The following ZNF324B variants were observed in gnomAD, a reference collection of about 807,000 sequenced individuals.
ZNF324B encodes the protein zinc finger protein 324B.
A neutral mutation model predicts 10.6 loss-of-function variants in ZNF324B; 7 were observed. The observed-to-expected ratio is 0.66, with a 90% CI of 0.38 to 1.24. The LOEUF is 1.24. ZNF324B is among the 50% of genes most tolerant of loss of function. ZNF324B has a pLI of 0.02. For missense variants in ZNF324B, 640 were observed against 764.7 expected, an observed-to-expected ratio of 0.84 and a Z score of 1.92; for synonymous variants, 316 against 321.0, an observed-to-expected ratio of 0.98 and a Z score of 0.17.
At chr19:58,433,919 G>A in the ZNF324B span, 1 of 1,614,158 alleles carries the variant, frequency 6.2e-7, no homozygotes, top group Admixed American at 1.7e-5. Context: ...TGCCCAGTAT[G>A]TACTTTCTGG....
rs912866087 is a variant in ZNF324B, at chr19:58,456,690, G to A, written c.*111G>A. On this transcript the variant is annotated 3_prime_UTR_variant, in exon 4 of 4. Coordinates refer to ENST00000336614, the MANE Select transcript of ZNF324B (RefSeq NM_207395.3). This position sits in a 1 kb window ranked among gnomAD's most constrained non-coding sequence, Gnocchi z 4.7. ...ATGGGGAAAAGCTCTGTGCCTGAGA[G>A]TCAGGGACGAGGGAGACCCTTTGGC... 7.4e-7 allele frequency: 1 copy of A among 1,343,278 alleles called. No individual in the cohort carries two copies. Among genetic ancestry groups the A allele is most frequent in the African/African-American group, 1.5e-5 (1 of 67,978 alleles). The allele number at this position is 1,343,278 out of a possible 1,614,324, so 83.2% of individuals were successfully genotyped here.
chr19:58,446,703 A>G (rs2122326843), upstream of ZNF324B, among the ~76,000 whole-genome samples: 1 of 149,472 alleles, frequency 6.7e-6, no homozygotes, highest in South Asian at 2.1e-4. Context: ...CAGCCTCCCA[A>G]GTAGCTGGAA....
At chr19:58,435,517 C>A in the ZNF324B span, 1 of 255,342 alleles carries the variant, frequency 3.9e-6, no homozygotes, top group Non-Finnish European at 7.6e-6. Flanking sequence ...AAAAGAAGTT[C>A]AGCATCCTTA....
the ZNF324B span, chr19:58,437,366 T>C: frequency 1.1e-6 from 1 of 936,558 alleles, no homozygotes; most frequent in South Asian, 1.8e-5. Context: ...ATCTTCTTCC[T>C]CAGGGCCCCC....
chr19:58,434,777 G>T, the ZNF324B span: 1 of 1,614,250 alleles, frequency 6.2e-7, no homozygotes, highest in African/African-American at 1.3e-5. Context: ...AGCTGCCCAA[G>T]ATTGGAATAT....
chr19:58,429,569 G>GT, the ZNF324B span: 5 of 152,254 alleles, frequency 3.3e-5, no homozygotes, highest in African/African-American at 4.8e-5. Flanking sequence ...TTTTCACCAT[G>GT]TTAGCCAGGA....
rs576138493 is a variant in ZNF324B, at chr19:58,455,103, C to T, written c.239-80C>T. 2 of 1,589,384 alleles carry T rather than the reference C, an allele frequency of 1.3e-6. No homozygotes were observed. The highest frequency in any genetic ancestry group is 1.1e-5 in the South Asian group (1 of 90,384). On this transcript the variant is annotated intron_variant, in intron 3 of 3. Coordinates refer to ENST00000336614, the MANE Select transcript of ZNF324B (RefSeq NM_207395.3). This position sits in a 1 kb window ranked among gnomAD's most constrained non-coding sequence, Gnocchi z 7.0. ...AGCTTTTGTCCCGGCTCCTGGGCTCCCCCTTGCCTGTCCACTCAGCCTGCC... is the reference window on the plus strand; with the variant it reads ...AGCTTTTGTCCCGGCTCCTGGGCTCTCCCTTGCCTGTCCACTCAGCCTGCC...
At chr19:58,438,390 A>C in the ZNF324B span, among the ~76,000 whole-genome samples, 1 of 151,952 alleles carries the variant, frequency 6.6e-6, no homozygotes, top group African/African-American at 2.4e-5. Flanking sequence ...CTCAAATACA[A>C]CATGGCCAAA....
At position 58,455,290 on chromosome 19, in the gene ZNF324B, T is replaced by A; in HGVS notation, c.346T>A (p.Cys116Ser). 6.2e-7 allele frequency: 1 copy of A among 1,614,194 alleles called. No homozygotes were observed. Among genetic ancestry groups the A allele is most frequent in the Admixed American group, 1.7e-5 (1 of 60,030 alleles). ...TAGCGTCTTCCCAGTTGCCGATGCCTGCCACAGTGTAAAAAGCCTGCAGCG... is the reference window on the plus strand; with the variant it reads ...TAGCGTCTTCCCAGTTGCCGATGCCAGCCACAGTGTAAAAAGCCTGCAGCG... ...TTSVFPVADA[C>S]HSVKSLQRQP... Residue 116 changes from cysteine to serine, a missense_variant, in exon 4 of 4, where the codon TGC (cysteine) becomes AGC (serine). Physicochemically the swap from Cys to Ser is moderately radical, Grantham distance 112 (BLOSUM62 -1). This residue lies in a region of ZNF324B where 345 missense variants were observed against 387.9 expected (regional missense o/e 0.89). Transcript: ENST00000336614. The surrounding 1 kb of genome is among the most constrained non-coding windows in gnomAD (Gnocchi z 7.0).
In ZNF324B at chr19:58,453,750, C is replaced by T. The variant is rs1233126395; in HGVS notation, c.49C>T (p.Leu17Phe). ...GTACTTCTCCCAGGAGGAGTGGGGGCTCCTGGACACAGCGCAGAGGGCCCT... is the reference window on the plus strand; with the variant it reads ...GTACTTCTCCCAGGAGGAGTGGGGGTTCCTGGACACAGCGCAGAGGGCCCT... Reference protein sequence around the residue: ...AVYFSQEEWGLLDTAQRALYR... With the variant: ...AVYFSQEEWGFLDTAQRALYR... The change falls in exon 2 of 4, where the codon CTC becomes TTC. Residue 17 changes from leucine (L) to phenylalanine (F), a missense_variant. This residue lies in a region of ZNF324B where 345 missense variants were observed against 387.9 expected (regional missense o/e 0.89). Coordinates refer to ENST00000336614, the MANE Select transcript of ZNF324B (RefSeq NM_207395.3). 1.2e-6 allele frequency: 2 copies of T among 1,614,080 alleles called. No homozygotes were observed. Among genetic ancestry groups the T allele is most frequent in the East Asian group, 2.2e-5 (1 of 44,894 alleles).
At chr19:58,446,235 G>C in the ZNF324B span, among the ~76,000 whole-genome samples, 1 of 152,218 alleles carries the variant, frequency 6.6e-6, no homozygotes, top group African/African-American at 2.4e-5. Flanking sequence ...GACACTCCAT[G>C]ATGGCCCTGC....
the ZNF324B span, chr19:58,439,988 G>A: frequency 1.5e-6 from 1 of 668,084 alleles, no homozygotes; most frequent in Non-Finnish European, 2.5e-6. Context: ...CGTGGCGCTG[G>A]CTCCACTTTC....
the ZNF324B span, chr19:58,439,832 C>T: frequency 1.3e-6 from 2 of 1,538,748 alleles, no homozygotes; most frequent in Middle Eastern, 1.7e-4. Context: ...AACAGGAGGC[C>T]CAGGGCTAGC....
At chr19:58,445,999 G>A in the ZNF324B span, 2 of 156,570 alleles carry the variant, frequency 1.3e-5, no homozygotes, top group African/African-American at 4.8e-5. Context: ...GCCGGGCATG[G>A]TGGCAGGCAC....
the ZNF324B span, among the ~76,000 whole-genome samples, chr19:58,439,176 C>A: frequency 1.3e-5 from 2 of 152,214 alleles, no homozygotes; most frequent in Admixed American, 6.5e-5. Context: ...CCTACCTCCA[C>A]GGGCACCCCT....
Position 58,456,347 on chromosome 19 carries a change from T to C in ZNF324B, c.1403T>C (p.Leu468Pro). The C allele has an allele frequency of 6.2e-7, 1 of 1,612,742 alleles. No homozygotes were observed. The highest frequency in any genetic ancestry group is 8.5e-7 in the Non-Finnish European group (1 of 1,179,906). The stretch of plus-strand genomic sequence containing the variant: ...AAGGGTTTCGCCAAGGGCGCCGTGC[T>C]GCTCAGCCACCGGCGCATTCACACG... ...CGKGFAKGAV[L>P]LSHRRIHTGE... is the part of the protein sequence containing the mutation. Residue 468 changes from leucine (L) to proline (P), a missense_variant, in exon 4 of 4, where the codon CTG becomes CCG. Coordinates refer to ENST00000336614, the MANE Select transcript of ZNF324B (RefSeq NM_207395.3). This position sits in a 1 kb window ranked among gnomAD's most constrained non-coding sequence, Gnocchi z 4.7.
At chr19:58,432,266 G>A in the ZNF324B span, 1 of 515,430 alleles carries the variant, frequency 1.9e-6, no homozygotes, top group South Asian at 1.4e-5. Context: ...TTTGAGAGAG[G>A]TGAAGTGAAT....
the ZNF324B span, chr19:58,437,358 C>G: frequency 1.1e-5 from 11 of 1,005,778 alleles, no homozygotes; most frequent in Admixed American, 3.0e-5. Flanking sequence ...CACAGCTTAT[C>G]TTCTTCCTCA....
chr19:58,433,762 T>C, the ZNF324B span: 2 of 1,614,234 alleles, frequency 1.2e-6, no homozygotes, highest in Middle Eastern at 1.6e-4. Context: ...AACTCTCCAG[T>C]GTTCAATGAG....
Sources: allele counts gnomAD v4.1 joint callset (sites outside exome capture counted in the v4.1 genomes callset), GRCh38; gene constraint gnomAD v4.1.1; regional missense constraint gnomAD v4.1.1; non-coding constraint Gnocchi (gnomAD v3.1); transcripts MANE v1.5; gene names NCBI Gene and HGNC (gene_info 2026-07-23, HGNC 2026-07-21).